The following KLRG1 variants were observed in gnomAD, a reference collection of about 807,000 sequenced individuals.
The protein encoded by KLRG1 is killer cell lectin-like receptor subfamily G member 1.
KLRG1 carries 16 observed loss-of-function variants against 21.8 expected under a neutral mutation model. That is an observed-to-expected ratio of 0.73 (90% confidence interval 0.50 to 1.11). KLRG1 has a LOEUF of 1.11. Ranked by LOEUF, KLRG1 falls within the 50% of genes most tolerant of loss-of-function variation. The pLI is 0.00. For synonymous variants in KLRG1, 69 were observed against 75.9 expected, an observed-to-expected ratio of 0.91 and a Z score of 0.47; for missense variants, 173 against 218.3, an observed-to-expected ratio of 0.79 and a Z score of 1.31.
At chr12:9,185,517 G>A in the KLRG1 span, among the ~76,000 whole-genome samples, 2 of 152,146 alleles carry the variant, frequency 1.3e-5, no homozygotes, top group Non-Finnish European at 2.9e-5. Flanking sequence ...CATATTTTAG[G>A]ATATCATCCA....
the KLRG1 span, among the ~76,000 whole-genome samples, chr12:9,063,594 G>A: frequency 2.6e-5 from 4 of 152,102 alleles, no homozygotes; most frequent in African/African-American, 9.7e-5. Context: ...AGGCTGGTGG[G>A]AAATCCAGTT....
the KLRG1 span, among the ~76,000 whole-genome samples, chr12:9,125,285 T>G: frequency 6.6e-6 from 1 of 152,200 alleles, no homozygotes; most frequent in South Asian, 2.1e-4. Context: ...CTTCATCTTG[T>G]CCTTCACTTG....
chr12:9,121,388 A>G, the KLRG1 span, among the ~76,000 whole-genome samples: 1 of 152,170 alleles, frequency 6.6e-6, no homozygotes, highest in Non-Finnish European at 1.5e-5. The surrounding 1 kb of genome is among the most constrained non-coding windows in gnomAD (Gnocchi z 4.4). Flanking sequence ...TTAAACTACA[A>G]AAATTAGCTG....
downstream of KLRG1, among the ~76,000 whole-genome samples, chr12:9,012,722 T>C (rs1474244252): frequency 1.3e-5 from 2 of 152,020 alleles, no homozygotes. Context: ...GGGTCCTTGA[T>C]TCCAGGCTCC....
chr12:9,040,345 G>T, the KLRG1 span, among the ~76,000 whole-genome samples: 1 of 152,164 alleles, frequency 6.6e-6, no homozygotes, highest in African/African-American at 2.4e-5. Flanking sequence ...CGCCTTCTGT[G>T]TTGGGCTATC....
the KLRG1 span, among the ~76,000 whole-genome samples, chr12:9,091,612 A>G: frequency 2.9e-4 from 44 of 152,228 alleles, no homozygotes; most frequent in Non-Finnish European, 5.6e-4. Context: ...ACTGTTTTTA[A>G]TTGTAGTATA....
chr12:9,101,543 A>G, the KLRG1 span: 2 of 1,614,012 alleles, frequency 1.2e-6, no homozygotes, highest in Non-Finnish European at 1.7e-6. Flanking sequence ...AGGGTAGTTC[A>G]TGAGACATGG....
chr12:9,031,604 C>T, the KLRG1 span, among the ~76,000 whole-genome samples: 6 of 152,152 alleles, frequency 3.9e-5, no homozygotes, highest in African/African-American at 1.4e-4. Context: ...AAGATTTATT[C>T]TGAGCTAAAT....
the KLRG1 span, among the ~76,000 whole-genome samples, chr12:9,062,049 C>T: frequency 2.0e-5 from 3 of 149,992 alleles, no homozygotes; most frequent in South Asian, 6.3e-4. Context: ...AAGAAATCAC[C>T]TGACACAATA....
the KLRG1 span, among the ~76,000 whole-genome samples, chr12:9,022,800 G>A: frequency 4.6e-5 from 7 of 152,116 alleles, no homozygotes; most frequent in African/African-American, 1.4e-4. Context: ...CATCAATGAT[G>A]GCCAATGATG....
the KLRG1 span, among the ~76,000 whole-genome samples, chr12:9,086,794 C>A: frequency 2.0e-5 from 3 of 152,088 alleles, no homozygotes; most frequent in Non-Finnish European, 4.4e-5. Flanking sequence ...CAAGAGCAAT[C>A]AAACATGAAA....
the KLRG1 span, among the ~76,000 whole-genome samples, chr12:9,041,318 C>T: frequency 4.6e-5 from 7 of 152,100 alleles, no homozygotes; most frequent in African/African-American, 1.7e-4. Flanking sequence ...CTGGCGAAAG[C>T]GTGAAACTCC....
the KLRG1 span, among the ~76,000 whole-genome samples, chr12:9,142,439 C>G: frequency 6.6e-6 from 1 of 152,262 alleles, no homozygotes; most frequent in Non-Finnish European, 1.5e-5. Flanking sequence ...TTAATAAATG[C>G]AAACAAAAAT....
At chr12:9,047,392 C>T in the KLRG1 span, among the ~76,000 whole-genome samples, 1 of 152,074 alleles carries the variant, frequency 6.6e-6, no homozygotes, top group South Asian at 2.1e-4. Context: ...ATTGCAAACT[C>T]TAGGCAAGCA....
At chr12:8,993,358 G>A (rs775714591) in intron 2 of KLRG1, among the ~76,000 whole-genome samples, 4 of 151,908 alleles carry the variant, frequency 2.6e-5, no homozygotes, top group Non-Finnish European at 4.4e-5. Context: ...GCGTGATCTC[G>A]GCTCACTGCA....
chr12:9,099,666 A>C, the KLRG1 span: 2 of 995,448 alleles, frequency 2.0e-6, no homozygotes, highest in Non-Finnish European at 2.9e-6. Context: ...AACCCTATCA[A>C]AGCCCTCTCT....
chr12:9,204,379 G>C, the KLRG1 span, among the ~76,000 whole-genome samples: 1 of 152,206 alleles, frequency 6.6e-6, no homozygotes, highest in Admixed American at 6.5e-5. Flanking sequence ...ATTAAAATCT[G>C]TCTAGATAAA....
At chr12:9,136,607 A>G in the KLRG1 span, among the ~76,000 whole-genome samples, 1 of 152,176 alleles carries the variant, frequency 6.6e-6, no homozygotes, top group African/African-American at 2.4e-5. Flanking sequence ...TATATACACC[A>G]TGTTTCCATA....
At chr12:9,101,383 G>T in the KLRG1 span, 1 of 1,415,572 alleles carries the variant, frequency 7.1e-7, no homozygotes, top group Non-Finnish European at 9.8e-7. Flanking sequence ...AGAGCTTCAT[G>T]ATTACTTGCT....
Sources: allele counts gnomAD v4.1 joint callset (sites outside exome capture counted in the v4.1 genomes callset), GRCh38; gene constraint gnomAD v4.1.1; non-coding constraint Gnocchi (gnomAD v3.1); transcripts MANE v1.5; gene names NCBI Gene and HGNC (gene_info 2026-07-23, HGNC 2026-07-21).